Variants in PRICKLE1 observed in about 807,000 individuals in gnomAD.
PRICKLE1 encodes the protein prickle planar cell polarity protein 1.
PRICKLE1 carries 14 observed loss-of-function variants against 70.2 expected under a neutral mutation model. The ratio of observed to expected loss-of-function variants is 0.20; its 90% CI spans 0.13 to 0.31. The LOEUF is 0.31. PRICKLE1 is among the 10% of genes least tolerant of loss of function. The pLI, the probability that PRICKLE1 is intolerant of heterozygous loss-of-function variation, is 1.00. For synonymous variants in PRICKLE1, 357 were observed against 379.9 expected, an observed-to-expected ratio of 0.94 and a Z score of 0.70; for missense variants, 821 against 1,026.2, an observed-to-expected ratio of 0.80 and a Z score of 2.73.
At chr12:42,461,552 G>A (rs180759398) in intron 7 of PRICKLE1, among the ~76,000 whole-genome samples, 3 of 152,312 alleles carry the variant, frequency 2.0e-5, no homozygotes, top group Admixed American at 1.3e-4. Context: ...ACCAGAGACC[G>A]TAGGCCTAAA....
chr12:42,535,131 T>G (rs905719956), intron 1 of PRICKLE1, among the ~76,000 whole-genome samples: 1 of 152,152 alleles, frequency 6.6e-6, no homozygotes, highest in Non-Finnish European at 1.5e-5. Context: ...GGTATATGAC[T>G]GATGGCACAT....
At position 42,464,424 on chromosome 12, in the gene PRICKLE1, A is replaced by T; in HGVS notation, c.1610T>A (p.Met537Lys). The T allele has an allele frequency of 6.2e-7, 1 of 1,614,108 alleles. No homozygotes were observed. The highest frequency in any genetic ancestry group is 8.5e-7 in the Non-Finnish European group (1 of 1,180,028). The change falls in exon 7 of 8, where the codon ATG becomes AAG. Residue 537 changes from methionine (M) to lysine (K), a missense_variant. By Grantham distance (95) the Met-to-Lys change is moderately conservative. Transcript: ENST00000345127. The surrounding 1 kb of genome is among the most constrained non-coding windows in gnomAD (Gnocchi z 4.2). ...GATATTGGACAATGCCAAAGAATCC[A>T]TCGAATCCCGAACACTTTGCTCTGG... ...LKPEQSVRDSMDSLALSNITG... is the reference protein window; with the variant it reads ...LKPEQSVRDSKDSLALSNITG...
At chr12:42,477,894 A>G (rs747146093) in intron 1 of PRICKLE1, among the ~76,000 whole-genome samples, 26 of 151,150 alleles carry the variant, frequency 1.7e-4, no homozygotes, top group Non-Finnish European at 2.9e-4. Context: ...TTTTTTTATG[A>G]TGCTTCTTTT....
intron 1 of PRICKLE1, chr12:42,484,111 C>T (rs1938920772): frequency 6.6e-6 from 1 of 151,006 alleles, no homozygotes; most frequent in Admixed American, 6.6e-5. Flanking sequence ...CTCCCCGCTC[C>T]CGCCCGCGGG....
intron 1 of PRICKLE1, among the ~76,000 whole-genome samples, chr12:42,564,531 C>A (rs1423362354): frequency 6.6e-6 from 1 of 152,092 alleles, no homozygotes; most frequent in East Asian, 1.9e-4. Context: ...TCGCTTGAAC[C>A]CGGAAGGCAG....
intron 1 of PRICKLE1, among the ~76,000 whole-genome samples, chr12:42,493,685 ATCTT>A (rs1939144641): frequency 6.6e-6 from 1 of 152,022 alleles, no homozygotes; most frequent in African/African-American, 2.4e-5. Context: ...TACGTATTAG[ATCTT>A]TCTATCTTTT....
chr12:42,512,950 CATTATTATT>C (rs34357156), intron 1 of PRICKLE1, among the ~76,000 whole-genome samples: 5 of 149,804 alleles, frequency 3.3e-5, no homozygotes, highest in Admixed American at 6.7e-5. Flanking sequence ...TGCCCTAAGG[CATTATTATT>C]ATTATTATTA....
intron 1 of PRICKLE1, among the ~76,000 whole-genome samples, chr12:42,515,060 G>C (rs1939583964): frequency 1.3e-5 from 2 of 151,822 alleles, no homozygotes; most frequent in Admixed American, 1.3e-4. Flanking sequence ...CTGAGTACCT[G>C]GGTGCAAGCC....
intron 1 of PRICKLE1, chr12:42,484,076 G>T (rs1426188141): frequency 1.0e-5 from 1 of 96,642 alleles, no homozygotes; most frequent in Non-Finnish European, 2.0e-5. Flanking sequence ...TGCCGATCCC[G>T]CCCTTCGATC....
chr12:42,537,241 C>T (rs998944616), intron 1 of PRICKLE1, among the ~76,000 whole-genome samples: 2 of 151,960 alleles, frequency 1.3e-5, no homozygotes, highest in African/African-American at 4.8e-5. Context: ...TCAATGTAGC[C>T]TCAACCTCCT....
chr12:42,545,901 T>C (rs745767718), intron 1 of PRICKLE1, among the ~76,000 whole-genome samples: 1 of 150,696 alleles, frequency 6.6e-6, no homozygotes, highest in Non-Finnish European at 1.5e-5. Context: ...TATCCATATA[T>C]ATATATATAT....
intron 1 of PRICKLE1, among the ~76,000 whole-genome samples, chr12:42,475,506 C>T (rs1938487370): frequency 6.6e-6 from 1 of 152,168 alleles, no homozygotes; most frequent in Non-Finnish European, 1.5e-5. Flanking sequence ...CCCACACTGC[C>T]TCCAGGGGGG....
intron 1 of PRICKLE1, among the ~76,000 whole-genome samples, chr12:42,520,964 A>G (rs1001121855): frequency 6.6e-6 from 1 of 152,180 alleles, no homozygotes; most frequent in African/African-American, 2.4e-5. Flanking sequence ...TGAGGTCAGG[A>G]GTACGAGATC....
rs1941044315 is a variant in PRICKLE1, at chr12:42,589,524, G to A, written c.-108C>T. On this transcript the variant is annotated 5_prime_UTR_variant, in exon 1 of 8. Coordinates refer to ENST00000345127, the MANE Select transcript of PRICKLE1 (RefSeq NM_153026.3). This position sits in a 1 kb window ranked among gnomAD's most constrained non-coding sequence, Gnocchi z 5.0. ...CCTCGGCGCCGCTGCGGGGCTGCTG[G>A]GCTGCGGGGCTGCGGGGCTGAGGAG... 1 of 154,640 alleles carries A rather than the reference G, an allele frequency of 6.5e-6. No individual in the cohort carries two copies. The highest frequency in any genetic ancestry group is 2.4e-5 in the African/African-American group (1 of 41,332). The allele number at this position is 154,640 out of a possible 1,614,324, so 9.6% of individuals were successfully genotyped here. A position where few individuals can be genotyped will look rare whatever the true frequency, so the allele number is the denominator to read the frequency against.
intron 2 of PRICKLE1, among the ~76,000 whole-genome samples, chr12:42,471,866 C>A (rs1938334114): frequency 2.0e-5 from 3 of 152,082 alleles, no homozygotes. Flanking sequence ...TTTTTCCAAT[C>A]CCTGTGGTGT....
intron 1 of PRICKLE1, among the ~76,000 whole-genome samples, chr12:42,549,774 C>T (rs1308534098): frequency 6.6e-6 from 1 of 152,188 alleles, no homozygotes; most frequent in Non-Finnish European, 1.5e-5. Flanking sequence ...TAGCAAAGCT[C>T]CAAAGGGCAT....
chr12:42,510,322 C>A (rs574987141), intron 1 of PRICKLE1, among the ~76,000 whole-genome samples: 2 of 151,968 alleles, frequency 1.3e-5, no homozygotes, highest in African/African-American at 4.8e-5. Context: ...TCTTGATCTC[C>A]TGATCTTGTG....
intron 1 of PRICKLE1, among the ~76,000 whole-genome samples, chr12:42,559,050 G>A (rs1308037699): frequency 6.6e-6 from 1 of 152,118 alleles, no homozygotes; most frequent in African/African-American, 2.4e-5. Context: ...TAAGGAGTTC[G>A]AAAAAGGAGC....
At chr12:42,501,714 T>C (rs1939315346) in intron 1 of PRICKLE1, among the ~76,000 whole-genome samples, 1 of 152,152 alleles carries the variant, frequency 6.6e-6, no homozygotes, top group Admixed American at 6.5e-5. Context: ...GAAAAATGCT[T>C]GTCATTCAGT....
Sources: allele counts gnomAD v4.1 joint callset (sites outside exome capture counted in the v4.1 genomes callset), GRCh38; gene constraint gnomAD v4.1.1; non-coding constraint Gnocchi (gnomAD v3.1); transcripts MANE v1.5; gene names NCBI Gene and HGNC (gene_info 2026-07-23, HGNC 2026-07-21).